Variants in ACSL6 observed in about 807,000 individuals in gnomAD.
ACSL6 encodes the protein acyl-CoA synthetase long chain family member 6, also known as long-chain-fatty-acid--CoA ligase 6.
In ACSL6, 47 loss-of-function variants were observed where a neutral mutation model predicts 98.2. The observed-to-expected ratio is 0.48, with a 90% CI of 0.38 to 0.61. The LOEUF is 0.61. Among genes scored for constraint, ACSL6 ranks in the 20% least tolerant of loss-of-function variants. ACSL6 has a pLI of 0.00. For missense variants in ACSL6, 761 were observed against 913.4 expected (o/e 0.83, Z 2.15); for synonymous variants, 362 against 336.9 (o/e 1.07, Z -0.82).
In ACSL6 at chr5:131,971,306, T is replaced by TG; in HGVS notation, c.1434+243dup. Among the ~76,000 whole-genome samples, 3 of 152,312 alleles carry TG rather than the reference T, an allele frequency of 2.0e-5. 1 individual carries two copies. In the South Asian group the frequency reaches 6.2e-4, roughly 32 times the overall value. ...GTTTGTCTGATCCCTTTGCCCTTTG[T>TG]GAAAAACTTCCAAAGGTCCAGATAA... On this transcript the variant is annotated intron_variant, in intron 14 of 20. Coordinates refer to ENST00000651883, the MANE Select transcript of ACSL6 (RefSeq NM_001009185.3).
intron 1 of ACSL6, among the ~76,000 whole-genome samples, chr5:132,010,371 T>C (rs959882683): frequency 2.0e-5 from 3 of 152,140 alleles, no homozygotes; most frequent in Non-Finnish European, 4.4e-5. Flanking sequence ...GTCTGCCAAA[T>C]ATCCATGTGA....
At chr5:131,986,682 T>A in intron 8 of ACSL6, 140 bp downstream of exon 8, 1 of 1,037,556 alleles carries the variant, frequency 9.6e-7, no homozygotes, top group East Asian at 2.4e-5. Flanking sequence ...TCCTGGACAC[T>A]CAAGTGGGCA....
rs1021049949 is a variant in ACSL6 at position 131,976,629 on chromosome 5, G to C, written c.990+19C>G. 6.2e-7 allele frequency: 1 copy of C among 1,604,774 alleles called. No individual in the cohort carries two copies. Among genetic ancestry groups the C allele is most frequent in the South Asian group, 1.1e-5 (1 of 90,910 alleles). ...TTGTCCTCAAGAGACACCTGCAACA[G>C]TAATGCTACTTTATTCACCTCTGTC... is the stretch of plus-strand genomic sequence containing the variant. On this transcript the variant is annotated intron_variant, in intron 10 of 20. Coordinates refer to ENST00000651883, the MANE Select transcript of ACSL6 (RefSeq NM_001009185.3).
chr5:131,960,061 G>T (rs1752620485), intron 19 of ACSL6, among the ~76,000 whole-genome samples: 1 of 152,178 alleles, frequency 6.6e-6, no homozygotes, highest in South Asian at 2.1e-4. Context: ...AGTAGCTAAT[G>T]CTCTAAGCAG....
At chr5:131,984,558 C>T (rs748745851) in intron 9 of ACSL6, 3 of 152,280 alleles carry the variant, frequency 2.0e-5, no homozygotes, top group Non-Finnish European at 4.4e-5. Context: ...TGATGGTGTC[C>T]CTTTGGAGCA....
rs745772344 is a variant in ACSL6 at position 131,971,561 on chromosome 5, G to C, written c.1423C>G (p.Leu475Val). Residue 475 changes from leucine (L) to valine (V), a missense_variant, in exon 14 of 21, where the codon CTA (leucine) becomes GTA (valine). Transcript: ENST00000651883. ...CACAATGACAATACCTGGCACCCTA[G>C]AGCTGCCCGGAGAAATCCCAGAACT... ...PTVLGFLRAA[L>V]GCQVYEGYGQ... is the part of the protein sequence containing the mutation. 8.7e-6 allele frequency: 14 copies of C among 1,609,452 alleles called. No homozygotes were observed. The highest frequency in any genetic ancestry group is 1.2e-5 in the Non-Finnish European group (14 of 1,177,610).
intron 20 of ACSL6, among the ~76,000 whole-genome samples, chr5:131,959,047 C>A (rs1007637834): frequency 4.0e-5 from 6 of 151,630 alleles, no homozygotes; most frequent in African/African-American, 1.5e-4. Flanking sequence ...AAAAAAAAGT[C>A]TTGGAGGACT....
At chr5:132,008,431 C>CAG (rs1343106560) in intron 1 of ACSL6, among the ~76,000 whole-genome samples, 2 of 152,246 alleles carry the variant, frequency 1.3e-5, no homozygotes, top group African/African-American at 4.8e-5. Flanking sequence ...TCTCCTAAGG[C>CAG]AGAGGCCAGG....
At chr5:131,975,114 G>A in intron 10 of ACSL6, 144 bp from the exon 11 acceptor site, 3 of 1,421,298 alleles carry the variant, frequency 2.1e-6, no homozygotes, top group Non-Finnish European at 2.8e-6. Flanking sequence ...AGGACAGAGA[G>A]AGAGGTGAGA....
intron 2 of ACSL6, among the ~76,000 whole-genome samples, chr5:131,992,629 C>G (rs570730268): frequency 7.9e-5 from 12 of 152,336 alleles, no homozygotes; most frequent in African/African-American, 2.9e-4. Flanking sequence ...CTGACACCAT[C>G]CAGACCACTG....
intron 5 of ACSL6, 115 bp downstream of exon 5, chr5:131,989,292 G>T: frequency 9.8e-7 from 1 of 1,015,478 alleles, no homozygotes; most frequent in Non-Finnish European, 1.5e-6. Flanking sequence ...ATAGCCCAAG[G>T]GTCTCTGTTT....
At chr5:131,983,696 C>T (rs1299186197) in intron 9 of ACSL6, 1 of 152,338 alleles carries the variant, frequency 6.6e-6, no homozygotes. Flanking sequence ...CTCACTCCCC[C>T]AGCTCTGCCC....
intron 15 of ACSL6, among the ~76,000 whole-genome samples, chr5:131,969,476 A>T (rs1257145091): frequency 6.6e-6 from 1 of 151,976 alleles, no homozygotes; most frequent in Admixed American, 6.6e-5. Context: ...CACAGGTTTT[A>T]GTATTTTCCT....
intron 4 of ACSL6, 35 bp from the exon 5 acceptor site, chr5:131,989,543 A>G: frequency 1.3e-6 from 2 of 1,518,040 alleles, no homozygotes; most frequent in South Asian, 1.1e-5. Context: ...TGGGAAAACA[A>G]GGACTCTTCA....
intron 15 of ACSL6, among the ~76,000 whole-genome samples, chr5:131,968,783 C>G (rs1561782341): frequency 6.6e-6 from 1 of 152,102 alleles, no homozygotes; most frequent in Non-Finnish European, 1.5e-5. Flanking sequence ...GAAAATTGAG[C>G]CGCGTATATG....
intron 1 of ACSL6, among the ~76,000 whole-genome samples, chr5:132,004,834 T>G (rs974157251): frequency 6.6e-6 from 1 of 151,890 alleles, no homozygotes; most frequent in Non-Finnish European, 1.5e-5. Flanking sequence ...CTTAGGGGAG[T>G]TGGCCTACAG....
At chr5:131,967,710 A>T (rs1323941771) in intron 16 of ACSL6, among the ~76,000 whole-genome samples, 2 of 150,706 alleles carry the variant, frequency 1.3e-5, no homozygotes, top group Admixed American at 6.6e-5. Flanking sequence ...TAATTAATTT[A>T]AAAATCTGGG....
At chr5:131,985,172 C>G in intron 9 of ACSL6, 1 of 563,878 alleles carries the variant, frequency 1.8e-6, no homozygotes. Context: ...TGACTCAGCT[C>G]TGGGAGGTGC....
At chr5:131,999,912 G>T (rs1754991724) in intron 1 of ACSL6, among the ~76,000 whole-genome samples, 1 of 152,154 alleles carries the variant, frequency 6.6e-6, no homozygotes, top group Non-Finnish European at 1.5e-5. Flanking sequence ...GGTTTCTTAA[G>T]AACAAAGTCT....
Sources: gnomAD v4.1 joint callset for allele counts (sites outside exome capture counted in the v4.1 genomes callset) on GRCh38, gnomAD v4.1.1 for gene constraint, MANE v1.5 for transcripts, NCBI Gene and HGNC (gene_info 2026-07-23, HGNC 2026-07-21) for gene names.